DNAH6: variants seen among roughly 807,000 people sequenced by gnomAD.
DNAH6 encodes the protein axonemal beta dynein heavy chain 6.
In DNAH6, 340 loss-of-function variants were observed where a neutral mutation model predicts 491.4. The ratio of observed to expected loss-of-function variants is 0.69; its 90% confidence interval spans 0.63 to 0.76. The LOEUF is 0.76. DNAH6 is among the 30% of genes least tolerant of loss of function. The pLI is 0.00. For synonymous variants in DNAH6, 1,603 were observed against 1,686.1 expected (o/e 0.95, Z 1.21); for missense variants, 4,443 against 4,972.2 (o/e 0.89, Z 3.20).
chr2:84,688,658 A>G, intron 45 of DNAH6, 65 bp downstream of exon 45: 1 of 1,351,770 alleles, frequency 7.4e-7, no homozygotes, highest in Non-Finnish European at 9.9e-7. Flanking sequence ...AGGGTAAAAA[A>G]ATAAGTTGTA....
At chr2:84,494,195 A>G in the DNAH6 span, among the ~76,000 whole-genome samples, 5 of 152,214 alleles carry the variant, frequency 3.3e-5, no homozygotes, top group African/African-American at 4.8e-5. Flanking sequence ...ACCTCAGCCC[A>G]GGACTCACAC....
At chr2:84,627,782 C>G (rs1688018941) in intron 29 of DNAH6, among the ~76,000 whole-genome samples, 1 of 152,194 alleles carries the variant, frequency 6.6e-6, no homozygotes, top group African/African-American at 2.4e-5. Flanking sequence ...CCTCCTACTT[C>G]TGTTCTCCAC....
chr2:84,803,835 C>T (rs941127167), intron 70 of DNAH6, among the ~76,000 whole-genome samples: 1 of 152,012 alleles, frequency 6.6e-6, no homozygotes, highest in Non-Finnish European at 1.5e-5. Context: ...TTTAAAATAT[C>T]GCCTCTACTT....
chr2:84,781,129 A>G (rs1478656916), intron 64 of DNAH6, among the ~76,000 whole-genome samples: 3 of 152,130 alleles, frequency 2.0e-5, no homozygotes, highest in Non-Finnish European at 1.5e-5. Flanking sequence ...AAACTGATCT[A>G]TAGTGTTGTT....
rs748525781 is a variant in DNAH6, at chr2:84,577,392, C to T, written c.2060C>T (p.Pro687Leu). Residue 687 changes from proline (P) to leucine (L), a missense_variant, in exon 13 of 77, where the codon CCT becomes CTT. Coordinates refer to ENST00000389394, the MANE Select transcript of DNAH6 (RefSeq NM_001370.2). ...CTAAGAGAAAAATTAATTCCATCAC[C>T]TTTGCGATGCTTAGAGGTAACTATA... The part of the protein sequence containing the change: ...RLLREKLIPS[P>L]LRCLEVLNFM... 1.3e-6 allele frequency: 2 copies of T among 1,599,200 alleles called. No individual in the cohort carries two copies. Among genetic ancestry groups the T allele is most frequent in the South Asian group, 1.1e-5 (1 of 87,280 alleles).
intron 5 of DNAH6, among the ~76,000 whole-genome samples, chr2:84,546,523 C>T (rs937505986): frequency 3.9e-5 from 6 of 152,136 alleles, no homozygotes; most frequent in Non-Finnish European, 5.9e-5. Flanking sequence ...GTATGTGGTC[C>T]TTTATGACTG....
intron 61 of DNAH6, among the ~76,000 whole-genome samples, chr2:84,733,218 T>C (rs1168768141): frequency 6.6e-6 from 1 of 152,220 alleles, no homozygotes; most frequent in African/African-American, 2.4e-5. Flanking sequence ...CCACTTTGTT[T>C]TCTGTAAATG....
intron 68 of DNAH6, 106 bp from the exon 69 acceptor site, chr2:84,796,200 G>T (rs1678328366): frequency 4.3e-6 from 3 of 694,296 alleles, no homozygotes; most frequent in Admixed American, 3.7e-5. Flanking sequence ...TCCATTTTCA[G>T]TACCAAATAA....
At position 84,814,064 on chromosome 2, in the gene DNAH6, C is replaced by CAGTGATAG; in HGVS notation, c.12094_12101dup (p.Ala4035Ter). 2.6e-6 allele frequency: 4 copies of CAGTGATAG among 1,551,738 alleles called. No individual in the cohort carries two copies. The highest frequency in any genetic ancestry group is 3.5e-6 in the Non-Finnish European group (4 of 1,146,988). On this transcript the variant is annotated frameshift_variant, in exon 75 of 77. Transcript: ENST00000389394. LOFTEE classifies it high-confidence loss of function. ...ATTCCCACCTATCGGGATCAAGCTG[C>CAGTGATAG]AGTGATAGAAGCTGCCAAGACAGTG...
intron 68 of DNAH6, among the ~76,000 whole-genome samples, chr2:84,787,660 C>G (rs1677339487): frequency 6.6e-6 from 1 of 152,168 alleles, no homozygotes; most frequent in African/African-American, 2.4e-5. Flanking sequence ...CATGAGAAAA[C>G]TGAGGCACAC....
chr2:84,639,156 G>A (rs1689144988), intron 31 of DNAH6, among the ~76,000 whole-genome samples: 1 of 152,150 alleles, frequency 6.6e-6, no homozygotes, highest in South Asian at 2.1e-4. Context: ...GGGCATGGTG[G>A]GGTGGGGGGC....
At chr2:84,705,270 A>G (rs998038004) in intron 51 of DNAH6, among the ~76,000 whole-genome samples, 7 of 152,170 alleles carry the variant, frequency 4.6e-5, no homozygotes, top group African/African-American at 1.7e-4. Context: ...TTCTTTCTCT[A>G]CCAAAGCTGG....
At chr2:84,780,123 T>C (rs903477312) in intron 64 of DNAH6, among the ~76,000 whole-genome samples, 4 of 152,110 alleles carry the variant, frequency 2.6e-5, no homozygotes, top group African/African-American at 9.7e-5. Flanking sequence ...TTGGGGATGG[T>C]CATCTTATAT....
intron 64 of DNAH6, among the ~76,000 whole-genome samples, chr2:84,771,786 A>G (rs1237515911): frequency 6.7e-6 from 1 of 149,266 alleles, no homozygotes; most frequent in African/African-American, 2.6e-5. Context: ...AAAAACTGAG[A>G]AGGTCTGTCA....
At chr2:84,755,316 T>C (rs1338083883) in intron 63 of DNAH6, among the ~76,000 whole-genome samples, 2 of 152,194 alleles carry the variant, frequency 1.3e-5, no homozygotes, top group Non-Finnish European at 2.9e-5. Flanking sequence ...AATGAGACAA[T>C]ATAGAGGCCC....
At chr2:84,653,898 G>A (rs1690697146) in intron 34 of DNAH6, 24 bp downstream of exon 34, 1 of 1,500,864 alleles carries the variant, frequency 6.7e-7, no homozygotes, top group Middle Eastern at 1.7e-4. Flanking sequence ...TTACTGTGGA[G>A]TGAAATCATT....
intron 11 of DNAH6, among the ~76,000 whole-genome samples, chr2:84,563,400 A>G (rs1680864890): frequency 6.6e-6 from 1 of 152,094 alleles, no homozygotes; most frequent in Non-Finnish European, 1.5e-5. Flanking sequence ...ATGGAGAAAT[A>G]ACTGTTATTT....
chr2:84,630,211 T>A (rs1014631921), intron 29 of DNAH6, among the ~76,000 whole-genome samples: 1 of 152,268 alleles, frequency 6.6e-6, no homozygotes, highest in Middle Eastern at 3.4e-3. Flanking sequence ...AATTACTATT[T>A]TGCAACCTTC....
chr2:84,676,580 CAG>C (rs1248764437), intron 40 of DNAH6, among the ~76,000 whole-genome samples: 3 of 152,108 alleles, frequency 2.0e-5, no homozygotes, highest in African/African-American at 7.2e-5. Flanking sequence ...ATGTCATCAC[CAG>C]AGACTCACAG....
Sources: allele counts gnomAD v4.1 joint callset (sites outside exome capture counted in the v4.1 genomes callset), GRCh38; gene constraint gnomAD v4.1.1; transcripts MANE v1.5; gene names NCBI Gene and HGNC (gene_info 2026-07-23, HGNC 2026-07-21).